Variants in ZFPM1 observed in about 807,000 individuals in gnomAD.
The protein encoded by ZFPM1 is zinc finger protein, FOG family member 1.
In ZFPM1, 28 loss-of-function variants were observed where a neutral mutation model predicts 46.3. That is an observed-to-expected ratio of 0.60 (90% CI 0.45 to 0.83). The LOEUF (loss-of-function observed/expected upper bound fraction) is 0.83, where lower values mean the gene tolerates loss of function less well. Among genes scored for constraint, ZFPM1 ranks in the 40% least tolerant of loss-of-function variants. The pLI is 0.00. For synonymous variants in ZFPM1, 957 were observed against 675.9 expected (o/e 1.42, Z -6.45); for missense variants, 1,878 against 1,432.4 (o/e 1.31, Z -5.02).
intron 4 of ZFPM1, among the ~76,000 whole-genome samples, chr16:88,515,836 G>C (rs112753213): frequency 6.6e-6 from 1 of 152,206 alleles, no homozygotes; most frequent in African/African-American, 2.4e-5. Context: ...ATCACTGTAC[G>C]CGTGTGAGCG....
chr16:88,487,835 T>G (rs13336560), intron 2 of ZFPM1, among the ~76,000 whole-genome samples: 86 of 152,084 alleles, frequency 5.7e-4, no homozygotes, highest in Admixed American at 1.7e-3. Context: ...CCATCTCCCC[T>G]AGCTCACCCA....
At chr16:88,514,033 C>A (rs777584645) in intron 3 of ZFPM1, among the ~76,000 whole-genome samples, 3 of 152,194 alleles carry the variant, frequency 2.0e-5, no homozygotes, top group African/African-American at 7.2e-5. Flanking sequence ...CTTTTGGGGG[C>A]CCCCAGTCAG....
At chr16:88,528,306 G>T in intron 6 of ZFPM1, 68 bp downstream of exon 6, 1 of 1,474,442 alleles carries the variant, frequency 6.8e-7, no homozygotes, top group Non-Finnish European at 9.1e-7. Context: ...GGCAGGAGAG[G>T]GTGGGAGCTG....
rs146670610 is a variant in ZFPM1 at position 88,501,933 on chromosome 16, G to A, written c.269-12454G>A. ...GCAAACTGAGGCCCAGTGAGTTCAC[G>A]TGGTTCATCCGAGGTGGAGACCAGG... On this transcript the variant is annotated intron_variant, in intron 3 of 9. Coordinates refer to ENST00000319555, the MANE Select transcript of ZFPM1 (RefSeq NM_153813.3). Among the ~76,000 whole-genome samples the A allele has an allele frequency of 9.9e-5, 15 of 152,232 alleles. No homozygotes were observed. In the East Asian group the frequency reaches 1.2e-3, roughly 12 times the overall value.
intron 3 of ZFPM1, among the ~76,000 whole-genome samples, chr16:88,506,348 T>C (rs72807410): frequency 0.087 from 13,224 of 151,732 alleles, 695 homozygotes; most frequent in African/African-American, 0.14. Context: ...CAGGAGGTGA[T>C]GGGCCTGGGG....
chr16:88,473,441 C>G (rs563903470), intron 1 of ZFPM1, among the ~76,000 whole-genome samples: 25 of 152,366 alleles, frequency 1.6e-4, no homozygotes, highest in African/African-American at 5.8e-4. Context: ...GGTGAACCCA[C>G]AGGCCTGTCC....
chr16:88,512,684 C>G (rs1161568748), intron 3 of ZFPM1, among the ~76,000 whole-genome samples: 1 of 152,220 alleles, frequency 6.6e-6, no homozygotes, highest in Non-Finnish European at 1.5e-5. Context: ...GGGGGTGACA[C>G]ACAGGCTCAC....
chr16:88,495,466 C>A (rs926362566), intron 3 of ZFPM1, among the ~76,000 whole-genome samples: 6 of 152,234 alleles, frequency 3.9e-5, no homozygotes, highest in Non-Finnish European at 7.3e-5. Flanking sequence ...CTTCCTCTGG[C>A]CCCCTACCTG....
At position 88,528,199 on chromosome 16, in the gene ZFPM1, G is replaced by C; in HGVS notation, c.673G>C (p.Ala225Pro). 1 of 1,610,210 alleles carries C rather than the reference G, an allele frequency of 6.2e-7. No homozygotes were observed. Among genetic ancestry groups the C allele is most frequent in the Middle Eastern group, 1.9e-4 (1 of 5,190 alleles). Reference protein sequence around the residue: ...AHDLQLLPQQAGMASILATAV... With the variant: ...AHDLQLLPQQPGMASILATAV... The stretch of plus-strand genomic sequence containing the variant: ...CGACCTCCAGCTCCTGCCCCAGCAG[G>C]CCGGGATGGCCTCCATCCTTGCCAC... Residue 225 changes from alanine (A) to proline (P), a missense_variant, in exon 6 of 10, where the codon GCC (alanine) becomes CCC (proline). By Grantham distance (27) the Ala-to-Pro change is conservative (BLOSUM62 -1). Coordinates refer to ENST00000319555, the MANE Select transcript of ZFPM1 (RefSeq NM_153813.3).
chr16:88,453,003 G>C (rs535686337), upstream of ZFPM1, among the ~76,000 whole-genome samples: 2 of 151,922 alleles, frequency 1.3e-5, no homozygotes, highest in African/African-American at 4.8e-5. Flanking sequence ...GGCGGGGACA[G>C]TGCCTTGAAG....
At chr16:88,477,625 T>C (rs1908746577) in intron 1 of ZFPM1, among the ~76,000 whole-genome samples, 1 of 151,910 alleles carries the variant, frequency 6.6e-6, no homozygotes, top group Admixed American at 6.6e-5. Context: ...AGTCTAGGGG[T>C]TTGAGGATAC....
chr16:88,506,289 G>A (rs1033377982), intron 3 of ZFPM1, among the ~76,000 whole-genome samples: 5 of 149,994 alleles, frequency 3.3e-5, no homozygotes, highest in African/African-American at 1.2e-4. Context: ...GGGCAGGGGT[G>A]GGGGGGCACC....
At chr16:88,458,383 C>A (rs1417100679) in intron 1 of ZFPM1, among the ~76,000 whole-genome samples, 1 of 152,174 alleles carries the variant, frequency 6.6e-6, no homozygotes, top group African/African-American at 2.4e-5. Context: ...CTTCCTTGGG[C>A]CTGGGACTGC....
At position 88,504,095 on chromosome 16, in the gene ZFPM1, C is replaced by T. The variant is rs138269438; in HGVS notation, c.269-10292C>T. 6.2e-3 allele frequency among the ~76,000 whole-genome samples: 943 copies of T among 151,984 alleles called. 7 individuals carry two copies. Among genetic ancestry groups the T allele is most frequent in the African/African-American group, 0.021 (888 of 41,462 alleles). On this transcript the variant is annotated intron_variant, in intron 3 of 9. Transcript: ENST00000319555. ...TGAGGCAGTACCCTGGGCCCTCACTCACCCTCTCCCATTTATGAAGCACAG... is the reference window on the plus strand; with the variant it reads ...TGAGGCAGTACCCTGGGCCCTCACTTACCCTCTCCCATTTATGAAGCACAG...
At chr16:88,464,279 GGCCCCCAGGT>G in intron 1 of ZFPM1, among the ~76,000 whole-genome samples, 1 of 152,334 alleles carries the variant, frequency 6.6e-6, no homozygotes, top group South Asian at 2.1e-4. Context: ...ACAGGGGCAG[GGCCCCCAGGT>G]GCCCCCAGGC....
chr16:88,489,277 G>A, intron 3 of ZFPM1, 124 bp downstream of exon 3: 1 of 1,401,340 alleles, frequency 7.1e-7, no homozygotes, highest in South Asian at 1.5e-5. Flanking sequence ...CCAGGCCCAG[G>A]CCTGTGCCTA....
chr16:88,507,175 C>T (rs1263064807), intron 3 of ZFPM1, among the ~76,000 whole-genome samples: 1 of 152,170 alleles, frequency 6.6e-6, no homozygotes, highest in Non-Finnish European at 1.5e-5. Flanking sequence ...CTGGGCTCGA[C>T]TCTCCCATGC....
intron 3 of ZFPM1, among the ~76,000 whole-genome samples, chr16:88,501,427 A>G (rs1406371566): frequency 3.1e-4 from 28 of 89,634 alleles, no homozygotes; most frequent in Admixed American, 8.7e-4. Context: ...GATAGCAGAC[A>G]TGGATGCGGG....
At chr16:88,519,508 G>A (rs1002809753) in intron 4 of ZFPM1, among the ~76,000 whole-genome samples, 11 of 148,816 alleles carry the variant, frequency 7.4e-5, no homozygotes, top group Middle Eastern at 3.5e-3. Flanking sequence ...GAGTGGGTGG[G>A]TAGATAGATG....
Sources: allele counts gnomAD v4.1 joint callset (sites outside exome capture counted in the v4.1 genomes callset), GRCh38; gene constraint gnomAD v4.1.1; transcripts MANE v1.5; gene names NCBI Gene and HGNC (gene_info 2026-07-23, HGNC 2026-07-21).